MKX: variants seen among roughly 807,000 people sequenced by gnomAD.
MKX encodes mohawk homeobox, also known as homeobox protein Mohawk.
Under a neutral mutation model 36.0 loss-of-function variants are expected in MKX, and 13 were observed. That is an observed-to-expected ratio of 0.36 (90% confidence interval 0.24 to 0.57). The LOEUF (loss-of-function observed/expected upper bound fraction) is 0.57. Ranked by LOEUF, MKX falls within the 20% of genes least tolerant of loss-of-function variation. MKX has a pLI of 0.79. For synonymous variants in MKX, 176 were observed against 178.3 expected, an observed-to-expected ratio of 0.99 and a Z score of 0.10; for missense variants, 458 against 456.4, an observed-to-expected ratio of 1.00 and a Z score of -0.03.
intron 5 of MKX, among the ~76,000 whole-genome samples, chr10:27,678,140 T>C (rs890860860): frequency 6.6e-6 from 1 of 152,220 alleles, no homozygotes; most frequent in African/African-American, 2.4e-5. Context: ...CATGTCTCCA[T>C]AGTATCTGCG....
chr10:27,734,520 T>C lies in MKX; in HGVS notation c.774A>G (p.Glu258=). 1 of 1,614,218 alleles carries C rather than the reference T, an allele frequency of 6.2e-7. No homozygotes were observed. Among genetic ancestry groups the C allele is most frequent in the Non-Finnish European group, 8.5e-7 (1 of 1,180,034 alleles). The change falls in exon 5 of 7, where the codon GAA becomes GAG. Residue 258 remains glutamate (E), a synonymous_variant. Coordinates refer to ENST00000419761, the MANE Select transcript of MKX (RefSeq NM_173576.3). The part of the protein sequence containing the change: ...RNHSGSFSSN[E]FEEELVSPSS... ...ATGGAGACACTAATTCTTCCTCAAA[T>C]TCATTGGAGCTAAAAGATCCCGAGT...
intron 5 of MKX, among the ~76,000 whole-genome samples, chr10:27,707,405 C>T (rs2132536247): frequency 6.6e-6 from 1 of 152,048 alleles, no homozygotes; most frequent in East Asian, 1.9e-4. Context: ...TCCTGGGCAC[C>T]ATGCTACTGT....
chr10:27,701,808 ATT>A (rs201410989), intron 5 of MKX, among the ~76,000 whole-genome samples: 926 of 85,540 alleles, frequency 0.011, 17 homozygotes, highest in East Asian at 0.1. Flanking sequence ...GTTTACAGTT[ATT>A]TTGTGTGTGT....
At chr10:27,733,360 CA>C (rs1262651550) in intron 5 of MKX, among the ~76,000 whole-genome samples, 1 of 152,016 alleles carries the variant, frequency 6.6e-6, no homozygotes, top group Non-Finnish European at 1.5e-5. Flanking sequence ...GTTCATGGAC[CA>C]AGCTTCTTGA....
intron 3 of MKX, among the ~76,000 whole-genome samples, chr10:27,736,261 G>T (rs1338029620): frequency 6.6e-6 from 1 of 152,168 alleles, no homozygotes; most frequent in Non-Finnish European, 1.5e-5. Flanking sequence ...AGAACCATGG[G>T]TGAAGAGGGG....
At chr10:27,679,888 T>C (rs759164160) in intron 5 of MKX, among the ~76,000 whole-genome samples, 15 of 152,092 alleles carry the variant, frequency 9.9e-5, no homozygotes, top group Non-Finnish European at 1.8e-4. Flanking sequence ...GTGCTGTGTG[T>C]TGTGTCTTTG....
chr10:27,696,281 A>G (rs1276497126), intron 5 of MKX, among the ~76,000 whole-genome samples: 7 of 152,312 alleles, frequency 4.6e-5, no homozygotes, highest in Admixed American at 2.0e-4. Flanking sequence ...ATATAAGAGT[A>G]GCAAACAATT....
At chr10:27,683,336 A>G (rs750856716) in intron 5 of MKX, among the ~76,000 whole-genome samples, 1 of 152,254 alleles carries the variant, frequency 6.6e-6, no homozygotes, top group Non-Finnish European at 1.5e-5. Flanking sequence ...AATCTACTGT[A>G]CAGGTTTGTA....
At chr10:27,735,185 C>T in intron 4 of MKX, 36 bp downstream of exon 4, 1 of 1,506,800 alleles carries the variant, frequency 6.6e-7, no homozygotes, top group Non-Finnish European at 8.9e-7. Flanking sequence ...CTAATAGAGG[C>T]AAAACAAAGA....
chr10:27,727,041 T>C (rs1487791609), intron 5 of MKX, among the ~76,000 whole-genome samples: 2 of 152,132 alleles, frequency 1.3e-5, no homozygotes, highest in Non-Finnish European at 2.9e-5. Flanking sequence ...CAGTACCAAA[T>C]GAAAGAGATA....
chr10:27,738,591 A>T (rs1351073314), intron 3 of MKX, among the ~76,000 whole-genome samples: 2 of 152,014 alleles, frequency 1.3e-5, no homozygotes, highest in Non-Finnish European at 2.9e-5. Context: ...GTTAGATATG[A>T]CTAATTTATA....
At chr10:27,712,945 A>C (rs1435512381) in intron 5 of MKX, among the ~76,000 whole-genome samples, 4 of 152,120 alleles carry the variant, frequency 2.6e-5, no homozygotes, top group African/African-American at 9.7e-5. Context: ...TCTAAAAAAA[A>C]ACAACAATAA....
At position 27,744,522 on chromosome 10, in the gene MKX, C is replaced by G. The variant is rs1294723118; in HGVS notation, c.-82-1025G>C. On this transcript the variant is annotated intron_variant, in intron 1 of 6. Transcript: ENST00000419761. The surrounding 1 kb of genome is among the most constrained non-coding windows in gnomAD (Gnocchi z 5.6). ...CGCGCACCGGCGTCAGGAGCAAGTC[C>G]GCGCGGCCGCGGAGCCGCAGAGTTA... is the stretch of plus-strand genomic sequence containing the variant. Among the ~76,000 whole-genome samples, 1 of 152,216 alleles carries G rather than the reference C, an allele frequency of 6.6e-6. No individual in the cohort carries two copies. The highest frequency in any genetic ancestry group is 1.9e-4 in the East Asian group (1 of 5,140).
chr10:27,736,226 A>G (rs1834772401), intron 3 of MKX, among the ~76,000 whole-genome samples: 1 of 152,164 alleles, frequency 6.6e-6, no homozygotes, highest in Non-Finnish European at 1.5e-5. Context: ...TTCGCTTCCA[A>G]AAGAGGCGTT....
At chr10:27,719,713 T>C (rs1347711769) in intron 5 of MKX, among the ~76,000 whole-genome samples, 1 of 152,110 alleles carries the variant, frequency 6.6e-6, no homozygotes, top group African/African-American at 2.4e-5. Flanking sequence ...GCCAGGCATG[T>C]TGGCTCCCAT....
At chr10:27,739,056 A>C (rs1834836836) in intron 3 of MKX, among the ~76,000 whole-genome samples, 1 of 152,094 alleles carries the variant, frequency 6.6e-6, no homozygotes, top group Non-Finnish European at 1.5e-5. Flanking sequence ...AACAAATCGT[A>C]TGTGGACATA....
Position 27,734,748 on chromosome 10 carries a change from A to G in MKX, c.546T>C (p.Tyr182=), listed in dbSNP as rs1722104291. ...TCACAGGATGGTGAACTGGGGTATTATAGCCCCCTTCGTTCATGTGGGTTC... is the reference window on the plus strand; with the variant it reads ...TCACAGGATGGTGAACTGGGGTATTGTAGCCCCCTTCGTTCATGTGGGTTC... ...PPRTHMNEGG[Y]NTPVHHPVIK... The change falls in exon 5 of 7, where the codon TAT becomes TAC. Residue 182 remains tyrosine (Y), a synonymous_variant. Transcript: ENST00000419761. 4 of 1,613,920 alleles carry G rather than the reference A, an allele frequency of 2.5e-6. No individual in the cohort carries two copies. The highest frequency in any genetic ancestry group is 1.7e-5 in the Admixed American group (1 of 59,994).
At chr10:27,717,973 T>G (rs2132608274) in intron 5 of MKX, among the ~76,000 whole-genome samples, 1 of 152,358 alleles carries the variant, frequency 6.6e-6, no homozygotes, top group African/African-American at 2.4e-5. Flanking sequence ...AACAGTGGCT[T>G]ATTTTAAATT....
At chr10:27,698,306 A>C (rs2132521362) in intron 5 of MKX, among the ~76,000 whole-genome samples, 1 of 152,298 alleles carries the variant, frequency 6.6e-6, no homozygotes, top group South Asian at 2.1e-4. Flanking sequence ...TAATATTGAA[A>C]TAATAGGATC....
Sources: gnomAD v4.1 joint callset for allele counts (sites outside exome capture counted in the v4.1 genomes callset) on GRCh38, gnomAD v4.1.1 for gene constraint, Gnocchi (gnomAD v3.1) non-coding constraint, MANE v1.5 for transcripts, NCBI Gene and HGNC (gene_info 2026-07-23, HGNC 2026-07-21) for gene names.